Variants in CUL2 observed in about 807,000 individuals in gnomAD.
CUL2 encodes the protein cullin-2.
CUL2 carries 22 observed loss-of-function variants against 110.2 expected under a neutral mutation model. The observed-to-expected ratio is 0.20, with a 90% CI of 0.14 to 0.28. The LOEUF is 0.28. Ranked by LOEUF, CUL2 falls within the 10% of genes least tolerant of loss-of-function variation. The probability of loss-of-function intolerance (pLI) is 1.00; values close to 1 mark genes in which losing one functional copy is unlikely to be tolerated. For synonymous variants in CUL2, 279 were observed against 293.2 expected (o/e 0.95, Z 0.49); for missense variants, 631 against 905.5 (o/e 0.70, Z 3.89).
chr10:35,036,752 G>A (rs201555816), intron 9 of CUL2, among the ~76,000 whole-genome samples: 2 of 151,540 alleles, frequency 1.3e-5, no homozygotes, highest in Admixed American at 1.3e-4. Flanking sequence ...GGCTTTTTTT[G>A]AGACAGGGTC....
Position 35,042,993 on chromosome 10 carries a change from G to C in CUL2, c.714+1573C>G, listed in dbSNP as rs150734563. Among the ~76,000 whole-genome samples, 914 of 152,106 alleles carry C rather than the reference G, an allele frequency of 6.0e-3. 17 individuals carry two copies. The highest frequency in any genetic ancestry group is 0.021 in the African/African-American group (867 of 41,416). On this transcript the variant is annotated intron_variant, in intron 8 of 20. Coordinates refer to ENST00000374749, the MANE Select transcript of CUL2 (RefSeq NM_003591.4). ...AGTTGAACTGGAGGACACCTAGCTG[G>C]TGTCTGCTGCTTGGTGTGTGGGAGA...
Position 35,010,236 on chromosome 10 carries a change from C to T in CUL2, c.*75G>A. 1 of 1,437,968 alleles carries T rather than the reference C, an allele frequency of 7.0e-7. No individual in the cohort carries two copies. The highest frequency in any genetic ancestry group is 9.2e-7 in the Non-Finnish European group (1 of 1,084,422). The allele number at this position is 1,437,968 out of a possible 1,614,324, so 89.1% of individuals were successfully genotyped here. A position where few individuals can be genotyped will look rare whatever the true frequency, so the allele number is the denominator to read the frequency against. ...AATGACCAAATTATGGAGGCACAGT[C>T]CTGCTTTTTCCCACAGGAACACACC... On this transcript the variant is annotated 3_prime_UTR_variant, in exon 21 of 21. Coordinates refer to ENST00000374749, the MANE Select transcript of CUL2 (RefSeq NM_003591.4).
intron 1 of CUL2, among the ~76,000 whole-genome samples, chr10:35,125,396 A>T (rs2087746856): frequency 6.6e-6 from 1 of 152,234 alleles, no homozygotes; most frequent in Non-Finnish European, 1.5e-5. Context: ...CTTTGCAAAT[A>T]AGAAATTGCC....
At chr10:35,085,511 G>A (rs1024138038) in intron 1 of CUL2, among the ~76,000 whole-genome samples, 2 of 151,986 alleles carry the variant, frequency 1.3e-5, no homozygotes, top group African/African-American at 4.8e-5. Flanking sequence ...TTGGGACACT[G>A]AGGAAGGCGG....
rs1564706868 is a variant in CUL2, at chr10:35,031,574, T to C, written c.1216A>G (p.Met406Val). 6.2e-7 allele frequency: 1 copy of C among 1,614,076 alleles called. No individual in the cohort carries two copies. Among genetic ancestry groups the C allele is most frequent in the Non-Finnish European group, 8.5e-7 (1 of 1,179,936 alleles). The change falls in exon 13 of 21, where the codon ATG becomes GTG. Residue 406 changes from methionine (M) to valine (V), a missense_variant. By Grantham distance (21) the Met-to-Val change is conservative. Coordinates refer to ENST00000374749, the MANE Select transcript of CUL2 (RefSeq NM_003591.4). The surrounding 1 kb of genome is among the most constrained non-coding windows in gnomAD (Gnocchi z 4.4). ...DNLLKKSAKG[M>V]TENEVEDRLT... ...CTGTCTTCCACTTCATTCTCTGTCA[T>C]CCCTTTCGCTGACTTCTTCAGTAAG...
chr10:35,011,543 G>A (rs1446653625), intron 20 of CUL2, among the ~76,000 whole-genome samples: 1 of 152,050 alleles, frequency 6.6e-6, no homozygotes, highest in Non-Finnish European at 1.5e-5. Context: ...ACTTGAACCT[G>A]GGAGGCAGAG....
intron 1 of CUL2, among the ~76,000 whole-genome samples, chr10:35,083,806 C>T (rs11592064): frequency 0.13 from 19,830 of 152,198 alleles, 1,487 homozygotes; most frequent in Middle Eastern, 0.18. Context: ...AGTTCAAAAC[C>T]AGCCTGGAGC....
intron 4 of CUL2, among the ~76,000 whole-genome samples, chr10:35,058,881 C>T (rs2086311212): frequency 6.6e-6 from 1 of 152,150 alleles, no homozygotes; most frequent in Non-Finnish European, 1.5e-5. Context: ...TTGATTGAGA[C>T]AGCTGCCTCA....
intron 17 of CUL2, among the ~76,000 whole-genome samples, chr10:35,023,858 A>G (rs546481169): frequency 5.3e-5 from 8 of 152,312 alleles, no homozygotes; most frequent in African/African-American, 1.7e-4. Context: ...TGGTTGAGAC[A>G]GGGTCTTGCT....
At chr10:35,063,476 A>T (rs988826324) in intron 2 of CUL2, among the ~76,000 whole-genome samples, 1 of 152,250 alleles carries the variant, frequency 6.6e-6, no homozygotes, top group Non-Finnish European at 1.5e-5. Context: ...AGAGGCAGAC[A>T]TGTCTAAGCA....
chr10:35,084,167 C>CT (rs1305121300), intron 1 of CUL2, among the ~76,000 whole-genome samples: 1 of 152,122 alleles, frequency 6.6e-6, no homozygotes, highest in African/African-American at 2.4e-5. Flanking sequence ...GTCCCAGCTA[C>CT]TTGGGAGGCT....
At chr10:35,037,931 A>G (rs1262732121) in intron 9 of CUL2, among the ~76,000 whole-genome samples, 7 of 151,866 alleles carry the variant, frequency 4.6e-5, no homozygotes, top group Non-Finnish European at 8.8e-5. Flanking sequence ...GGGCAAGCAG[A>G]TTATCTGAGG....
chr10:35,040,858 C>T (rs183406708), intron 8 of CUL2, among the ~76,000 whole-genome samples: 155 of 152,248 alleles, frequency 1.0e-3, no homozygotes, highest in African/African-American at 3.4e-3. Context: ...ATGGAGTTTG[C>T]GCTCTGTGAG....
intron 6 of CUL2, among the ~76,000 whole-genome samples, chr10:35,045,560 A>AAC (rs1402026100): frequency 6.6e-6 from 1 of 151,054 alleles, no homozygotes; most frequent in African/African-American, 2.4e-5. Flanking sequence ...AAAAAAAAAA[A>AAC]ACAACTTAGC....
chr10:35,121,160 A>G (rs1374279703), intron 1 of CUL2, among the ~76,000 whole-genome samples: 1 of 152,206 alleles, frequency 6.6e-6, no homozygotes, highest in African/African-American at 2.4e-5. Context: ...GAGCTATTAG[A>G]GAAAGAGTGT....
intron 1 of CUL2, among the ~76,000 whole-genome samples, chr10:35,104,990 A>G (rs989588396): frequency 6.6e-6 from 1 of 151,832 alleles, no homozygotes; most frequent in African/African-American, 2.4e-5. Context: ...GGGCCTCCCA[A>G]TGTGCTGGGA....
intron 2 of CUL2, among the ~76,000 whole-genome samples, chr10:35,066,369 G>A (rs1411935927): frequency 5.3e-5 from 8 of 151,344 alleles, no homozygotes; most frequent in African/African-American, 1.2e-4. Flanking sequence ...GCGTGATCTC[G>A]GCTCACTGCA....
intron 17 of CUL2, among the ~76,000 whole-genome samples, chr10:35,024,068 T>C (rs35912711): frequency 0.33 from 50,524 of 151,828 alleles, 8,429 homozygotes; most frequent in South Asian, 0.35. Flanking sequence ...CTCCTGGGAT[T>C]AAGTGACCCA....
chr10:35,062,822 G>T (rs1242234995), intron 3 of CUL2, 138 bp downstream of exon 3: 3 of 595,120 alleles, frequency 5.0e-6, no homozygotes, highest in Non-Finnish European at 8.8e-6. Flanking sequence ...GGGCAACAGA[G>T]CAAGACCCTG....
Sources: gnomAD v4.1 joint callset for allele counts (sites outside exome capture counted in the v4.1 genomes callset) on GRCh38, gnomAD v4.1.1 for gene constraint, Gnocchi (gnomAD v3.1) non-coding constraint, MANE v1.5 for transcripts, NCBI Gene and HGNC (gene_info 2026-07-23, HGNC 2026-07-21) for gene names.